MIPOL1: variants seen among roughly 807,000 people sequenced by gnomAD.
The protein encoded by MIPOL1 is mirror-image polydactyly 1, also known as mirror-image polydactyly gene 1 protein.
In MIPOL1, 57 loss-of-function variants were observed where a neutral mutation model predicts 60.9. The observed-to-expected ratio is 0.94, with a 90% CI of 0.76 to 1.17. MIPOL1 has a LOEUF of 1.17. Among genes scored for constraint, MIPOL1 ranks in the 50% most tolerant of loss-of-function variants. The pLI is 0.00. For synonymous variants in MIPOL1, 179 were observed against 168.8 expected, an observed-to-expected ratio of 1.06 and a Z score of -0.47; for missense variants, 551 against 511.6, an observed-to-expected ratio of 1.08 and a Z score of -0.74.
At chr14:37,337,357 T>TATATATATATATA (rs1491162679) in intron 9 of MIPOL1, among the ~76,000 whole-genome samples, 3 of 29,862 alleles carry the variant, frequency 1.0e-4, no homozygotes, top group African/African-American at 5.9e-4. Context: ...TATATATATA[T>TATATATATATATA]TTTTTTTTTT....
intron 9 of MIPOL1, among the ~76,000 whole-genome samples, chr14:37,324,726 A>G (rs1413084419): frequency 6.6e-6 from 1 of 152,062 alleles, no homozygotes; most frequent in Non-Finnish European, 1.5e-5. Context: ...CTTATCATGT[A>G]TGGTAAGATA....
intron 9 of MIPOL1, among the ~76,000 whole-genome samples, chr14:37,344,900 T>C (rs2153465127): frequency 6.6e-6 from 1 of 151,772 alleles, no homozygotes; most frequent in East Asian, 2.0e-4. Flanking sequence ...CATGGCGGTG[T>C]GCTCCTGTGG....
intron 11 of MIPOL1, among the ~76,000 whole-genome samples, chr14:37,426,971 G>A (rs2093978711): frequency 6.6e-6 from 1 of 152,040 alleles, no homozygotes; most frequent in East Asian, 1.9e-4. Flanking sequence ...TGATGGGAAT[G>A]TAAATTGATG....
chr14:37,271,512 A>G (rs2153392417), intron 6 of MIPOL1, among the ~76,000 whole-genome samples: 1 of 152,048 alleles, frequency 6.6e-6, no homozygotes, highest in African/African-American at 2.4e-5. Context: ...CATTGCTATG[A>G]AAATATAACA....
At chr14:37,312,502 T>C (rs1175271990) in intron 9 of MIPOL1, among the ~76,000 whole-genome samples, 2 of 152,176 alleles carry the variant, frequency 1.3e-5, no homozygotes, top group East Asian at 1.9e-4. Flanking sequence ...CATATAGATA[T>C]TAAAAATTTC....
At chr14:37,415,766 T>C (rs2093757675) in intron 10 of MIPOL1, among the ~76,000 whole-genome samples, 1 of 152,182 alleles carries the variant, frequency 6.6e-6, no homozygotes, top group Non-Finnish European at 1.5e-5. Flanking sequence ...ATTAACTGGC[T>C]GACAAGTAAG....
intron 9 of MIPOL1, among the ~76,000 whole-genome samples, chr14:37,313,975 T>G (rs2153438703): frequency 6.6e-6 from 1 of 152,272 alleles, no homozygotes; most frequent in East Asian, 1.9e-4. Flanking sequence ...TTCTTGCCTG[T>G]TAAGGCCAAA....
In MIPOL1 at chr14:37,357,843, T is replaced by G. The variant is rs1376987359; in HGVS notation, c.829-11674T>G. Among the ~76,000 whole-genome samples, 3 of 152,180 alleles carry G rather than the reference T, an allele frequency of 2.0e-5. No homozygotes were observed. The East Asian group carries it at 5.8e-4, about 29-fold the overall frequency. On this transcript the variant is annotated intron_variant, in intron 9 of 12. Transcript: ENST00000684589. Reference sequence around the variant, plus strand: ...CTCAAGAAATATTTTTTTCTTTTTTTGTTTTTTTAATTATACTTTAAGTTC... The same window carrying G: ...CTCAAGAAATATTTTTTTCTTTTTTGGTTTTTTTAATTATACTTTAAGTTC...
At chr14:37,372,999 TTTTG>T (rs1357543034) in intron 10 of MIPOL1, among the ~76,000 whole-genome samples, 3 of 152,216 alleles carry the variant, frequency 2.0e-5, no homozygotes, top group Admixed American at 2.0e-4. Flanking sequence ...GAACATGTGA[TTTTG>T]TTTGTTTGTT....
intron 10 of MIPOL1, among the ~76,000 whole-genome samples, chr14:37,412,167 TATGTGGAAGCTCTTTGGAA>T (rs1329827650): frequency 6.6e-6 from 1 of 150,740 alleles, no homozygotes; most frequent in Non-Finnish European, 1.5e-5. Flanking sequence ...TGAAACAATG[TATGTGGAAGCTCTTTGGAA>T]ATGTGAAATA....
chr14:37,234,749 T>C (rs1289278258), intron 1 of MIPOL1, among the ~76,000 whole-genome samples: 1 of 151,888 alleles, frequency 6.6e-6, no homozygotes, highest in African/African-American at 2.4e-5. Context: ...GCAGTACTGA[T>C]AGAGGTCTAA....
chr14:37,443,435 G>T (rs1334647254), intron 11 of MIPOL1, among the ~76,000 whole-genome samples: 3 of 142,612 alleles, frequency 2.1e-5, no homozygotes, highest in East Asian at 2.0e-4. Flanking sequence ...CTCCAGCCTG[G>T]GTGACAGAGA....
intron 12 of MIPOL1, among the ~76,000 whole-genome samples, chr14:37,514,038 TA>T (rs1387378617): frequency 6.6e-6 from 1 of 152,180 alleles, no homozygotes; most frequent in Non-Finnish European, 1.5e-5. Flanking sequence ...AGAATCCACT[TA>T]CGATGATCAT....
chr14:37,289,275 C>A (rs2084851187), intron 7 of MIPOL1, among the ~76,000 whole-genome samples: 1 of 152,182 alleles, frequency 6.6e-6, no homozygotes, highest in African/African-American at 2.4e-5. Flanking sequence ...ACACACCAAG[C>A]AAGTAATCAG....
intron 11 of MIPOL1, among the ~76,000 whole-genome samples, chr14:37,428,347 A>G (rs1258406940): frequency 6.6e-6 from 1 of 152,178 alleles, no homozygotes; most frequent in African/African-American, 2.4e-5. Context: ...CTGTAACCCC[A>G]GCACTTTGGG....
At chr14:37,304,790 A>C (rs916944151) in intron 7 of MIPOL1, among the ~76,000 whole-genome samples, 1 of 151,786 alleles carries the variant, frequency 6.6e-6, no homozygotes, top group Non-Finnish European at 1.5e-5. Context: ...ATGGTATAGG[A>C]AATCAATTGA....
intron 9 of MIPOL1, among the ~76,000 whole-genome samples, chr14:37,343,299 A>T (rs1304105153): frequency 6.6e-6 from 1 of 152,044 alleles, no homozygotes; most frequent in Non-Finnish European, 1.5e-5. Context: ...GTTTAAAAAA[A>T]CTCTTTATTC....
chr14:37,250,680 T>A (rs1973939035), intron 3 of MIPOL1, among the ~76,000 whole-genome samples: 1 of 152,242 alleles, frequency 6.6e-6, no homozygotes, highest in African/African-American at 2.4e-5. Context: ...GGATTTATCT[T>A]AAATCACAAA....
intron 9 of MIPOL1, among the ~76,000 whole-genome samples, chr14:37,309,271 G>C (rs1567400737): frequency 6.6e-6 from 1 of 151,774 alleles, no homozygotes; most frequent in African/African-American, 2.4e-5. Flanking sequence ...ACCTGGCCTT[G>C]TTAGTGTTTT....
Sources: gnomAD v4.1 joint callset for allele counts (sites outside exome capture counted in the v4.1 genomes callset) on GRCh38, gnomAD v4.1.1 for gene constraint, MANE v1.5 for transcripts, NCBI Gene and HGNC (gene_info 2026-07-23, HGNC 2026-07-21) for gene names.